The following NTNG1 variants were observed in gnomAD, a reference collection of about 807,000 sequenced individuals.
The protein encoded by NTNG1 is netrin G1.
In NTNG1, 16 loss-of-function variants were observed where a neutral mutation model predicts 54.0. The observed-to-expected ratio is 0.30, with a 90% CI of 0.20 to 0.45. The LOEUF is 0.45. Among genes scored for constraint, NTNG1 ranks in the 20% least tolerant of loss-of-function variants. The pLI, the probability that NTNG1 is intolerant of heterozygous loss-of-function variation, is 1.00. For synonymous variants in NTNG1, 255 were observed against 263.1 expected, an observed-to-expected ratio of 0.97 and a Z score of 0.30; for missense variants, 530 against 678.7, an observed-to-expected ratio of 0.78 and a Z score of 2.43.
At chr1:107,390,406 G>A (rs1013504272) in intron 3 of NTNG1, among the ~76,000 whole-genome samples, 2 of 152,166 alleles carry the variant, frequency 1.3e-5, no homozygotes, top group Non-Finnish European at 2.9e-5. Flanking sequence ...CCTGAGCTGT[G>A]TTCTTTTCCT....
intron 2 of NTNG1, among the ~76,000 whole-genome samples, chr1:107,245,807 T>A (rs1048212909): frequency 4.6e-5 from 7 of 152,198 alleles, no homozygotes; most frequent in African/African-American, 1.7e-4. Context: ...ACTAAGTCAC[T>A]ATTTTCTCAT....
At chr1:107,422,071 C>A (rs759681840) in intron 5 of NTNG1, among the ~76,000 whole-genome samples, 1 of 152,024 alleles carries the variant, frequency 6.6e-6, no homozygotes, top group African/African-American at 2.4e-5. Context: ...AAAGTGGAAA[C>A]TGGTCAGGAA....
At chr1:107,392,706 A>G (rs1225636373) in intron 3 of NTNG1, among the ~76,000 whole-genome samples, 3 of 152,064 alleles carry the variant, frequency 2.0e-5, no homozygotes, top group Non-Finnish European at 4.4e-5. Context: ...GAAACTCAAG[A>G]AGGGAGGGGA....
chr1:107,327,975 A>G (rs1457886273), intron 3 of NTNG1, among the ~76,000 whole-genome samples: 2 of 152,066 alleles, frequency 1.3e-5, no homozygotes, highest in African/African-American at 4.8e-5. Flanking sequence ...TGTAGCATTT[A>G]TGTTCTTTTT....
At chr1:107,215,803 T>A (rs1659912935) in intron 2 of NTNG1, among the ~76,000 whole-genome samples, 1 of 152,108 alleles carries the variant, frequency 6.6e-6, no homozygotes, top group African/African-American at 2.4e-5. Context: ...TTGTGTCATC[T>A]ATGATTTCTT....
chr1:107,407,379 AT>A (rs1216273008), intron 4 of NTNG1, among the ~76,000 whole-genome samples: 5 of 152,110 alleles, frequency 3.3e-5, no homozygotes, highest in Non-Finnish European at 7.4e-5. Flanking sequence ...GAAACACAAA[AT>A]GTTGGATGTC....
intron 7 of NTNG1, among the ~76,000 whole-genome samples, chr1:107,474,089 A>G (rs957743486): frequency 1.3e-5 from 2 of 152,216 alleles, no homozygotes; most frequent in Admixed American, 1.3e-4. Flanking sequence ...TCTGGTATCT[A>G]AGGATCATAT....
chr1:107,412,802 A>G (rs969051817), intron 5 of NTNG1, among the ~76,000 whole-genome samples: 1 of 152,232 alleles, frequency 6.6e-6, no homozygotes, highest in African/African-American at 2.4e-5. Context: ...GGGAAAATGT[A>G]TAGATGTCAG....
chr1:107,476,745 C>T (rs1474808937), intron 7 of NTNG1, among the ~76,000 whole-genome samples: 2 of 152,140 alleles, frequency 1.3e-5, no homozygotes, highest in Non-Finnish European at 2.9e-5. Flanking sequence ...TCCTCTTCTC[C>T]TTTAAACACC....
chr1:107,423,988 AAT>A (rs2101265962), intron 5 of NTNG1, among the ~76,000 whole-genome samples: 1 of 152,284 alleles, frequency 6.6e-6, no homozygotes, highest in African/African-American at 2.4e-5. Context: ...TATGCCAGGC[AAT>A]ATCTTAAGTT....
At chr1:107,179,256 T>G (rs1486742579) in intron 2 of NTNG1, among the ~76,000 whole-genome samples, 1 of 152,186 alleles carries the variant, frequency 6.6e-6, no homozygotes, top group African/African-American at 2.4e-5. Flanking sequence ...TGCTGGAACT[T>G]GGTGGATCTA....
chr1:107,263,255 C>G (rs1448978697), intron 2 of NTNG1, among the ~76,000 whole-genome samples: 3 of 151,572 alleles, frequency 2.0e-5, no homozygotes, highest in Non-Finnish European at 2.9e-5. Context: ...AAGCTAATAA[C>G]AGTTCTAGGT....
intron 2 of NTNG1, among the ~76,000 whole-genome samples, chr1:107,168,353 A>G (rs942647105): frequency 6.6e-6 from 1 of 152,112 alleles, no homozygotes; most frequent in Admixed American, 6.6e-5. Context: ...ATTAGTTATT[A>G]ATCGATGAAG....
At chr1:107,401,545 A>G (rs576194485) in intron 4 of NTNG1, among the ~76,000 whole-genome samples, 121 of 152,272 alleles carry the variant, frequency 7.9e-4, no homozygotes, top group African/African-American at 2.7e-3. Context: ...TACAGCAAAC[A>G]TGATTATTCT....
intron 2 of NTNG1, among the ~76,000 whole-genome samples, chr1:107,184,692 C>A (rs1405495142): frequency 6.6e-6 from 1 of 152,068 alleles, no homozygotes; most frequent in Non-Finnish European, 1.5e-5. Flanking sequence ...TGGACCATCA[C>A]CCTTAAGATT....
chr1:107,381,569 C>G (rs1318458122), intron 3 of NTNG1, among the ~76,000 whole-genome samples: 1 of 152,134 alleles, frequency 6.6e-6, no homozygotes, highest in Non-Finnish European at 1.5e-5. Context: ...TTGCAGATTG[C>G]TGCTCAATCC....
chr1:107,226,315 C>T (rs1660678516), intron 2 of NTNG1, among the ~76,000 whole-genome samples: 1 of 151,942 alleles, frequency 6.6e-6, no homozygotes, highest in South Asian at 2.1e-4. Context: ...TTTTTTTCTT[C>T]CTCCCTGCTA....
intron 5 of NTNG1, among the ~76,000 whole-genome samples, chr1:107,429,045 C>G (rs149389762): frequency 2.9e-4 from 44 of 152,204 alleles, no homozygotes; most frequent in African/African-American, 1.0e-3. Flanking sequence ...CTGACTTCTT[C>G]CTGTCCTCAC....
intron 3 of NTNG1, among the ~76,000 whole-genome samples, chr1:107,388,840 C>T (rs915768735): frequency 3.9e-5 from 6 of 152,142 alleles, no homozygotes; most frequent in African/African-American, 1.2e-4. Context: ...AGTCAAAAGT[C>T]AAGGTGGCTG....
Sources: allele counts gnomAD v4.1 joint callset (sites outside exome capture counted in the v4.1 genomes callset), GRCh38; gene constraint gnomAD v4.1.1; transcripts MANE v1.5; gene names NCBI Gene and HGNC (gene_info 2026-07-23, HGNC 2026-07-21).